ZNF33B: variants seen among roughly 807,000 people sequenced by gnomAD.
The protein encoded by ZNF33B is zinc finger protein 33B, also known as zinc finger protein 11b (KOX 2).
In ZNF33B, 29 loss-of-function variants were observed where a neutral mutation model predicts 45.8. The ratio of observed to expected loss-of-function variants is 0.63; its 90% CI spans 0.47 to 0.86. ZNF33B has a LOEUF of 0.86. Among genes scored for constraint, ZNF33B ranks in the 40% least tolerant of loss-of-function variants. ZNF33B has a pLI of 0.00. For missense variants in ZNF33B, 831 were observed against 909.9 expected (o/e 0.91, Z 1.12); for synonymous variants, 305 against 307.8 (o/e 0.99, Z 0.10).
At chr10:42,586,569 A>C (rs1174124956), downstream of ZNF33B, among the ~76,000 whole-genome samples, 9 of 152,152 alleles carry the variant, frequency 5.9e-5, no homozygotes, top group African/African-American at 2.2e-4. Flanking sequence ...TTAACTATTA[A>C]CTGGGGTATT....
intron 4 of ZNF33B, among the ~76,000 whole-genome samples, chr10:42,601,930 T>TGG (rs796602529): frequency 1.5e-3 from 117 of 76,688 alleles, no homozygotes; most frequent in Middle Eastern, 8.9e-3. Flanking sequence ...TTTTTTTTTT[T>TGG]GGGGGGAGAC....
At position 42,593,904 on chromosome 10, in the gene ZNF33B, C is replaced by T. The variant is rs756402293; in HGVS notation, c.1046G>A (p.Arg349Lys). The T allele has an allele frequency of 2.2e-5, 35 of 1,613,916 alleles. No individual in the cohort carries two copies. Among genetic ancestry groups the T allele is most frequent in the Non-Finnish European group, 2.6e-5 (31 of 1,179,960 alleles). Residue 349 changes from arginine to lysine, a missense_variant, in exon 5 of 5, where the codon AGG becomes AAG. By Grantham distance (26) the Arg-to-Lys change is conservative. Transcript: ENST00000359467. Reference protein sequence around the residue: ...WEKSHLTRHQRVHTGEKHFQC... With the variant: ...WEKSHLTRHQKVHTGEKHFQC... ...AAAGTGTTTCTCTCCTGTGTGCACC[C>T]TCTGATGTCGAGTGAGATGTGACTT... is the stretch of plus-strand genomic sequence containing the variant.
intron 1 of ZNF33B, among the ~76,000 whole-genome samples, chr10:42,637,485 C>T (rs990491366): frequency 6.6e-6 from 1 of 152,158 alleles, no homozygotes; most frequent in Non-Finnish European, 1.5e-5. Flanking sequence ...ATGTTTTAAA[C>T]TTGCTTTGAT....
chr10:42,607,587 T>C (rs1448469798), intron 4 of ZNF33B, among the ~76,000 whole-genome samples: 2 of 151,600 alleles, frequency 1.3e-5, no homozygotes, highest in African/African-American at 2.4e-5. Context: ...AGGAATAGAG[T>C]ATCAAAAAAG....
chr10:42,627,008 C>CTTTTTCTTTTTTTTTT (rs1554825123), intron 4 of ZNF33B, among the ~76,000 whole-genome samples: 3 of 145,404 alleles, frequency 2.1e-5, no homozygotes, highest in African/African-American at 7.5e-5. Flanking sequence ...TGTCATTTTT[C>CTTTTTCTTTTTTTTTT]TTTTTTTTTT....
In ZNF33B at chr10:42,608,042, G is replaced by A. The variant is rs565054300; in HGVS notation, c.251-13343C>T. Among the ~76,000 whole-genome samples, 4 of 152,216 alleles carry A rather than the reference G, an allele frequency of 2.6e-5. No homozygotes were observed. In the East Asian group the frequency reaches 7.7e-4, roughly 29 times the overall value. On this transcript the variant is annotated intron_variant, in intron 4 of 4. Coordinates refer to ENST00000359467, the MANE Select transcript of ZNF33B (RefSeq NM_006955.3). Reference sequence around the variant, plus strand: ...CAGGCACATGGCACCAATAAGGCTGGAGTAGCTATCCTAATATCACACAAA... The same window carrying A: ...CAGGCACATGGCACCAATAAGGCTGAAGTAGCTATCCTAATATCACACAAA...
chr10:42,594,171 G>A lies in ZNF33B; in HGVS notation c.779C>T (p.Ser260Leu). 1 of 1,613,778 alleles carries A rather than the reference G, an allele frequency of 6.2e-7. No homozygotes were observed. Among genetic ancestry groups the A allele is most frequent in the Non-Finnish European group, 8.5e-7 (1 of 1,179,930 alleles). The change falls in exon 5 of 5, where the codon TCA becomes TTA. Residue 260 changes from serine (S) to leucine (L), a missense_variant. Coordinates refer to ENST00000359467, the MANE Select transcript of ZNF33B (RefSeq NM_006955.3). ...AGGTATCTGATGGAACAAGAGGGAT[G>A]AACTATCACAGAAAGTTCTCCCAAA... ...NEFGRTFCDS[S>L]SLLFHQIPPS...
chr10:42,594,591 T>C lies in ZNF33B; in HGVS notation c.359A>G (p.Asn120Ser), dbSNP rs776178171. The change falls in exon 5 of 5, where the codon AAT (asparagine) becomes AGT (serine). Residue 120 changes from asparagine (N) to serine (S), a missense_variant. Asn to Ser is a conservative substitution (Grantham distance 46). Transcript: ENST00000359467. Reference sequence around the variant, plus strand: ...CATGTTAAATGGTATTCCTATTACATTACCTTGTTCCTTAGTCAGCATTTC... The same window carrying C: ...CATGTTAAATGGTATTCCTATTACACTACCTTGTTCCTTAGTCAGCATTTC... ...NNEMLTKEQGNVIGIPFNMDV... is the reference protein window; with the variant it reads ...NNEMLTKEQGSVIGIPFNMDV... The C allele has an allele frequency of 1.9e-6, 3 of 1,612,394 alleles. No homozygotes were observed. The highest frequency in any genetic ancestry group is 3.3e-5 in the Admixed American group (2 of 59,726).
At chr10:42,594,839 A>G (rs1301358504) in intron 4 of ZNF33B, 140 bp from the exon 5 acceptor site, 5 of 1,006,724 alleles carry the variant, frequency 5.0e-6, no homozygotes, top group South Asian at 2.5e-5. Context: ...TTGCAAGTGC[A>G]TATTTTTTTG....
At chr10:42,629,055 T>C (rs115705353) in intron 4 of ZNF33B, among the ~76,000 whole-genome samples, 2,581 of 152,250 alleles carry the variant, frequency 0.017, 78 homozygotes, top group African/African-American at 0.059. Flanking sequence ...TGGAATCAAC[T>C]GAAGTGTCCA....
intron 4 of ZNF33B, among the ~76,000 whole-genome samples, chr10:42,619,518 A>G (rs574111347): frequency 7.9e-5 from 12 of 152,372 alleles, no homozygotes; most frequent in Admixed American, 7.2e-4. Flanking sequence ...TGAAATAAAA[A>G]GAAACTAGAC....
rs774039556 is a variant in ZNF33B, at chr10:42,594,713, A to C, written c.251-14T>G. ...CTGTCCAGACTTCTACAAACAAACA[A>C]AATTAATCTTACCATATAAATACCA... On this transcript the variant is annotated splice_polypyrimidine_tract_variant and intron_variant, in intron 4 of 4. Coordinates refer to ENST00000359467, the MANE Select transcript of ZNF33B (RefSeq NM_006955.3). The C allele has an allele frequency of 7.2e-6, 11 of 1,535,902 alleles. No homozygotes were observed. The African/African-American group carries it at 1.5e-4, about 21-fold the overall frequency.
intron 1 of ZNF33B, among the ~76,000 whole-genome samples, chr10:42,579,488 T>C (rs1386358768): frequency 2.0e-5 from 3 of 152,240 alleles, no homozygotes. Context: ...GATTCGGTTT[T>C]TGGTGTGGAT....
At position 42,638,543 on chromosome 10, in the gene ZNF33B, CCACGCAAAA is replaced by C. The variant is rs1478647382; in HGVS notation, c.-123_-115del. On this transcript the variant is annotated 5_prime_UTR_variant, in exon 1 of 5. Coordinates refer to ENST00000359467, the MANE Select transcript of ZNF33B (RefSeq NM_006955.3). ...ACCCCTGAAATCCCGGGACCGCCTC[CCACGCAAAA>C]CGTGAGACAAACAAAAGGAAAGGCG... is the stretch of plus-strand genomic sequence containing the variant. 2.1e-6 allele frequency: 1 copy of C among 479,706 alleles called. No individual in the cohort carries two copies. Among genetic ancestry groups the C allele is most frequent in the African/African-American group, 2.0e-5 (1 of 50,780 alleles). 29.7% of individuals were successfully genotyped at this position (479,706 alleles called of 1,614,324 possible).
rs59259404 is a variant in ZNF33B at position 42,612,233 on chromosome 10, A to ATTTTTTTTTTTT, written c.251-17546_251-17535dup. On this transcript the variant is annotated intron_variant, in intron 4 of 4. Transcript: ENST00000359467. ...TTGACGTGGCAGGTTACAGAAGTTG[A>ATTTTTTTTTTTT]TTTTTTTTTTTTTTTTTTTTGAGAC... 1.7e-5 allele frequency among the ~76,000 whole-genome samples: 2 copies of ATTTTTTTTTTTT among 119,342 alleles called. 1 individual carries two copies. 78.3% of individuals were successfully genotyped at this position (119,342 alleles called of 152,430 possible).
Position 42,632,263 on chromosome 10 carries a change from C to T in ZNF33B, c.154+32G>A, listed in dbSNP as rs376872896. 30 of 1,580,496 alleles carry T rather than the reference C, an allele frequency of 1.9e-5. No homozygotes were observed. The African/African-American group carries it at 2.6e-4, about 14-fold the overall frequency. The stretch of plus-strand genomic sequence containing the variant: ...GTTTTATAATCAAAATAAACGAATG[C>T]TATTTAGAATGATACAGTGAACAGA... On this transcript the variant is annotated intron_variant, in intron 3 of 4. Coordinates refer to ENST00000359467, the MANE Select transcript of ZNF33B (RefSeq NM_006955.3).
At chr10:42,607,962 T>A (rs1837936364) in intron 4 of ZNF33B, among the ~76,000 whole-genome samples, 1 of 152,152 alleles carries the variant, frequency 6.6e-6, no homozygotes, top group Non-Finnish European at 1.5e-5. Flanking sequence ...ACATGTGCTA[T>A]CTATAAGAGA....
chr10:42,608,797 A>C (rs1837973641), intron 4 of ZNF33B, among the ~76,000 whole-genome samples: 1 of 152,128 alleles, frequency 6.6e-6, no homozygotes, highest in Non-Finnish European at 1.5e-5. Flanking sequence ...ATAGAGTAAA[A>C]ATTAGTGAAC....
intron 4 of ZNF33B, among the ~76,000 whole-genome samples, chr10:42,595,368 G>A (rs1837354524): frequency 6.6e-6 from 1 of 152,190 alleles, no homozygotes; most frequent in Admixed American, 6.5e-5. Context: ...TGGATTGTAT[G>A]TAAACTAAAG....
Sources: allele counts gnomAD v4.1 joint callset (sites outside exome capture counted in the v4.1 genomes callset), GRCh38; gene constraint gnomAD v4.1.1; transcripts MANE v1.5; gene names NCBI Gene and HGNC (gene_info 2026-07-23, HGNC 2026-07-21).